ACSL6: variants seen among roughly 807,000 people sequenced by gnomAD.
ACSL6 encodes acyl-CoA synthetase long chain family member 6.
Under a neutral mutation model 98.2 loss-of-function variants are expected in ACSL6, and 47 were observed. The ratio of observed to expected loss-of-function variants is 0.48; its 90% CI spans 0.38 to 0.61. The LOEUF (loss-of-function observed/expected upper bound fraction) is 0.61. Ranked by LOEUF, ACSL6 falls within the 20% of genes least tolerant of loss-of-function variation. ACSL6 has a pLI of 0.00. For synonymous variants in ACSL6, 362 were observed against 336.9 expected, an observed-to-expected ratio of 1.07 and a Z score of -0.82; for missense variants, 761 against 913.4, an observed-to-expected ratio of 0.83 and a Z score of 2.15.
chr5:131,988,332 G>T, intron 6 of ACSL6, 106 bp from the exon 7 acceptor site: 1 of 1,387,354 alleles, frequency 7.2e-7, no homozygotes, highest in Non-Finnish European at 1.0e-6. Context: ...TGGTCTGTGT[G>T]CCCATAGCTT....
intron 1 of ACSL6, among the ~76,000 whole-genome samples, chr5:132,000,597 G>A (rs1280630213): frequency 4.6e-5 from 7 of 152,008 alleles, no homozygotes; most frequent in East Asian, 1.9e-4. Context: ...TGATCACTGC[G>A]TATTTTGAAT....
chr5:131,954,186 T>C lies in ACSL6; in HGVS notation c.*48A>G, dbSNP rs78943578. Reference sequence around the variant, plus strand: ...GACTCATTACTTTCAAGAATAACTATAATATTGCTAGACAGTTCATTACAC... The same window carrying C: ...GACTCATTACTTTCAAGAATAACTACAATATTGCTAGACAGTTCATTACAC... On this transcript the variant is annotated 3_prime_UTR_variant, in exon 21 of 21. Coordinates refer to ENST00000651883, the MANE Select transcript of ACSL6 (RefSeq NM_001009185.3). 9,340 of 1,526,356 alleles carry C rather than the reference T, an allele frequency of 6.1e-3. 35 individuals are homozygous for C. The highest frequency in any genetic ancestry group is 7.7e-3 in the Middle Eastern group (44 of 5,712). 94.6% of individuals were successfully genotyped at this position (1,526,356 alleles called of 1,614,324 possible). A position where few individuals can be genotyped will look rare whatever the true frequency, so the allele number is the denominator to read the frequency against.
rs140154700 is a variant in ACSL6 at position 132,005,700 on chromosome 5, G to A, written c.49+5805C>T. ...GGTGCGTGGGCAGGAGGAGTCCCAC[G>A]GGGGAGTCTCAGCCCCTACAACAGT... On this transcript the variant is annotated intron_variant, in intron 1 of 20. Transcript: ENST00000651883. 2.8e-3 allele frequency among the ~76,000 whole-genome samples: 425 copies of A among 152,354 alleles called. 1 individual carries two copies. Among genetic ancestry groups the A allele is most frequent in the Middle Eastern group, 6.8e-3 (2 of 294 alleles).
At chr5:132,011,773 C>T (rs1489246729), upstream of ACSL6, 1 of 1,352,058 alleles carries the variant, frequency 7.4e-7, no homozygotes, top group East Asian at 3.1e-5. This position sits in a 1 kb window ranked among gnomAD's most constrained non-coding sequence, Gnocchi z 5.4. Context: ...GCCTTACTCC[C>T]TGCCCTGCAG....
chr5:132,007,898 A>T (rs1448846124), intron 1 of ACSL6, among the ~76,000 whole-genome samples: 1 of 152,176 alleles, frequency 6.6e-6, no homozygotes, highest in African/African-American at 2.4e-5. Flanking sequence ...CATGTATGGG[A>T]CAGTCCTGAG....
chr5:132,009,627 C>T (rs919462260), intron 1 of ACSL6, among the ~76,000 whole-genome samples: 2 of 152,196 alleles, frequency 1.3e-5, no homozygotes, highest in African/African-American at 2.4e-5. Flanking sequence ...GCAGCCACTA[C>T]CTGCCCCAAG....
Position 131,953,965 on chromosome 5 carries a change from C to T in ACSL6, c.*269G>A. The T allele has an allele frequency of 3.7e-6, 1 of 273,384 alleles. No homozygotes were observed. Among genetic ancestry groups the T allele is most frequent in the Non-Finnish European group, 6.8e-6 (1 of 146,164 alleles). The allele number at this position is 273,384 out of a possible 1,614,324, so 16.9% of individuals were successfully genotyped here. On this transcript the variant is annotated 3_prime_UTR_variant, in exon 21 of 21. Coordinates refer to ENST00000651883, the MANE Select transcript of ACSL6 (RefSeq NM_001009185.3). ...TGACAATATATTACTTTTAGTGGTA[C>T]ACAGTTCTTGAGAAAATGTCTTGAT...
intron 9 of ACSL6, chr5:131,984,816 T>G (rs1248160491): frequency 6.2e-6 from 1 of 160,958 alleles, no homozygotes; most frequent in Non-Finnish European, 1.4e-5. Context: ...CCTGACAGCC[T>G]TGCTCATGGC....
chr5:131,980,237 G>A (rs1026477876), intron 9 of ACSL6, among the ~76,000 whole-genome samples: 6 of 152,238 alleles, frequency 3.9e-5, no homozygotes, highest in South Asian at 2.1e-4. Flanking sequence ...TAGAGTGTTC[G>A]TCTTCCTGCT....
At chr5:132,003,834 G>A (rs1049452150) in intron 1 of ACSL6, 1 of 152,196 alleles carries the variant, frequency 6.6e-6, no homozygotes, top group African/African-American at 2.4e-5. Context: ...GGATGGAGGT[G>A]GGATCCAGAA....
chr5:132,008,984 G>A (rs1308951526), intron 1 of ACSL6, among the ~76,000 whole-genome samples: 1 of 152,208 alleles, frequency 6.6e-6, no homozygotes, highest in East Asian at 1.9e-4. Context: ...TTATGGCACT[G>A]AGGGCATGCT....
At chr5:131,991,375 T>A (rs556168993) in intron 2 of ACSL6, among the ~76,000 whole-genome samples, 1 of 152,170 alleles carries the variant, frequency 6.6e-6, no homozygotes, top group African/African-American at 2.4e-5. Flanking sequence ...GTATCTCCCA[T>A]CCCATCATCT....
At chr5:131,987,533 G>A (rs927685958) in intron 7 of ACSL6, among the ~76,000 whole-genome samples, 4 of 152,196 alleles carry the variant, frequency 2.6e-5, no homozygotes, top group African/African-American at 9.7e-5. Flanking sequence ...CTACTGGGCA[G>A]GGCCTGAGGC....
At chr5:131,960,673 G>C in intron 18 of ACSL6, 52 bp from the exon 19 acceptor site, 1 of 1,403,852 alleles carries the variant, frequency 7.1e-7, no homozygotes, top group Non-Finnish European at 9.9e-7. Context: ...ATTTAAAGTG[G>C]TTATTTGTGG....
chr5:131,959,648 C>T, intron 19 of ACSL6, 41 bp from the exon 20 acceptor site: 1 of 1,588,742 alleles, frequency 6.3e-7, no homozygotes, highest in South Asian at 1.1e-5. Flanking sequence ...GACAAGAACA[C>T]ATTTCAAAAT....
At chr5:131,989,583 CTTTTTTTTTTTTTTTTTT>C (rs57391438) in intron 4 of ACSL6, 75 bp from the exon 5 acceptor site, 20 of 180,624 alleles carry the variant, frequency 1.1e-4, no homozygotes, top group African/African-American at 3.3e-4. Flanking sequence ...AGGAGGAATT[CTTTTTTTTTTTTTTTTTT>C]TTTTTTTTTT....
At chr5:131,957,723 A>T (rs1752487384) in intron 20 of ACSL6, among the ~76,000 whole-genome samples, 2 of 152,220 alleles carry the variant, frequency 1.3e-5, no homozygotes, top group African/African-American at 4.8e-5. Flanking sequence ...GGAAAAGGAC[A>T]AGCTGACAAT....
At chr5:131,970,669 A>G (rs1753258144) in intron 14 of ACSL6, among the ~76,000 whole-genome samples, 1 of 152,156 alleles carries the variant, frequency 6.6e-6, no homozygotes, top group South Asian at 2.1e-4. Context: ...TCGGCCTCCC[A>G]AAGTGCTGGG....
At chr5:131,985,298 A>G in intron 9 of ACSL6, 109 bp downstream of exon 9, 1 of 1,395,794 alleles carries the variant, frequency 7.2e-7, no homozygotes, top group Non-Finnish European at 1.0e-6. Flanking sequence ...GAACAAGACA[A>G]GGCTCAGCCC....
Sources: gnomAD v4.1 joint callset for allele counts (sites outside exome capture counted in the v4.1 genomes callset) on GRCh38, gnomAD v4.1.1 for gene constraint, Gnocchi (gnomAD v3.1) non-coding constraint, MANE v1.5 for transcripts, NCBI Gene and HGNC (gene_info 2026-07-23, HGNC 2026-07-21) for gene names.